IQCH: variants seen among roughly 807,000 people sequenced by gnomAD.
IQCH encodes the protein IQ motif containing H.
A neutral mutation model predicts 117.0 loss-of-function variants in IQCH; 98 were observed. The ratio of observed to expected loss-of-function variants is 0.84; its 90% CI spans 0.71 to 0.99. The LOEUF (loss-of-function observed/expected upper bound fraction) is 0.99, where lower values mean the gene tolerates loss of function less well. Among genes scored for constraint, IQCH ranks in the 50% least tolerant of loss-of-function variants. The pLI is 0.00. For synonymous variants in IQCH, 412 were observed against 448.2 expected, an observed-to-expected ratio of 0.92 and a Z score of 1.02; for missense variants, 1,102 against 1,243.8, an observed-to-expected ratio of 0.89 and a Z score of 1.72.
Position 67,336,969 on chromosome 15 carries a change from A to G in IQCH, c.388-6A>G. On this transcript the variant is annotated splice_polypyrimidine_tract_variant and splice_region_variant and intron_variant, in intron 4 of 20. Coordinates refer to ENST00000335894, the MANE Select transcript of IQCH (RefSeq NM_001031715.3). ...TGTTTGCTGAAACAAATTTTTTATT[A>G]TCTAGATAAAGGTTTCGAAGTTAAT... The G allele has an allele frequency of 6.2e-7, 1 of 1,612,264 alleles. No individual in the cohort carries two copies. Among genetic ancestry groups the G allele is most frequent in the Non-Finnish European group, 8.5e-7 (1 of 1,179,290 alleles).
At chr15:67,304,369 C>T (rs867245884) in intron 4 of IQCH, 1 of 1,531,412 alleles carries the variant, frequency 6.5e-7, no homozygotes, top group Non-Finnish European at 8.7e-7. Context: ...AAAAATCTTG[C>T]AGGATCCTGA....
intron 18 of IQCH, among the ~76,000 whole-genome samples, chr15:67,483,081 A>G (rs2083380779): frequency 6.6e-6 from 1 of 152,174 alleles, no homozygotes; most frequent in Admixed American, 6.6e-5. Flanking sequence ...GAAAGTTATA[A>G]ATGTCCTGCC....
rs1294798075 is a variant in IQCH, at chr15:67,390,859, A to G, written c.1632+1853A>G. 6.6e-6 allele frequency among the ~76,000 whole-genome samples: 1 copy of G among 152,190 alleles called. No homozygotes were observed. Among genetic ancestry groups the G allele is most frequent in the Non-Finnish European group, 1.5e-5 (1 of 68,034 alleles). On this transcript the variant is annotated intron_variant, in intron 12 of 20. Transcript: ENST00000335894. This position sits in a 1 kb window ranked among gnomAD's most constrained non-coding sequence, Gnocchi z 5.0. Reference sequence around the variant, plus strand: ...TAGCTCTTTTTACCTATCTCCGTTTATGGCTGAGGAAACCAAGACTCATTT... The same window carrying G: ...TAGCTCTTTTTACCTATCTCCGTTTGTGGCTGAGGAAACCAAGACTCATTT...
chr15:67,310,768 C>T (rs1967552049), intron 4 of IQCH, among the ~76,000 whole-genome samples: 1 of 152,104 alleles, frequency 6.6e-6, no homozygotes, highest in Non-Finnish European at 1.5e-5. Context: ...TTTACAACTG[C>T]AGATAAAAGT....
intron 14 of IQCH, among the ~76,000 whole-genome samples, chr15:67,415,927 G>A (rs1320103505): frequency 6.6e-6 from 1 of 152,104 alleles, no homozygotes; most frequent in Non-Finnish European, 1.5e-5. Flanking sequence ...GCCATGCATG[G>A]TGGTGTGTAC....
rs1971186608 is a variant in IQCH, at chr15:67,388,767, T to C, written c.1457-64T>C. On this transcript the variant is annotated intron_variant, in intron 11 of 20. Transcript: ENST00000335894. The surrounding 1 kb of genome is among the most constrained non-coding windows in gnomAD (Gnocchi z 5.5). ...TTTAAACTGCACAACACCAATCGGA[T>C]GCCAGAGTTCATAATGTCATTTACC... The C allele has an allele frequency of 2.2e-6, 3 of 1,353,600 alleles. No individual in the cohort carries two copies. Among genetic ancestry groups the C allele is most frequent in the Admixed American group, 1.8e-5 (1 of 56,678 alleles). The allele number at this position is 1,353,600 out of a possible 1,614,324, so 83.8% of individuals were successfully genotyped here.
intron 18 of IQCH, among the ~76,000 whole-genome samples, chr15:67,485,047 A>G (rs1181673396): frequency 1.3e-5 from 2 of 152,306 alleles, no homozygotes; most frequent in Admixed American, 6.5e-5. Flanking sequence ...AACATAATCT[A>G]TGAAAGCTAG....
Position 67,390,160 on chromosome 15 carries a change from G to A in IQCH, c.1632+1154G>A, listed in dbSNP as rs530797996. Among the ~76,000 whole-genome samples the A allele has an allele frequency of 2.7e-4, 41 of 152,226 alleles. No homozygotes were observed. The highest frequency in any genetic ancestry group is 1.3e-3 in the East Asian group (7 of 5,186). ...AAAGGACAAGTGACAAATCACTGCCGTTTATGTACATTCTTGGGAACCTTC... is the reference window on the plus strand; with the variant it reads ...AAAGGACAAGTGACAAATCACTGCCATTTATGTACATTCTTGGGAACCTTC... On this transcript the variant is annotated intron_variant, in intron 12 of 20. Transcript: ENST00000335894. The surrounding 1 kb of genome is among the most constrained non-coding windows in gnomAD (Gnocchi z 5.0).
chr15:67,345,360 T>C (rs1187395385), intron 6 of IQCH, among the ~76,000 whole-genome samples: 5 of 152,152 alleles, frequency 3.3e-5, no homozygotes, highest in Admixed American at 6.5e-5. Flanking sequence ...CCCTTCTCTT[T>C]GAATGTGAGT....
intron 12 of IQCH, among the ~76,000 whole-genome samples, chr15:67,392,400 C>T (rs1021932371): frequency 6.6e-6 from 1 of 152,138 alleles, no homozygotes; most frequent in Admixed American, 6.5e-5. Context: ...ATGGGAAAGA[C>T]AAACCTGCCA....
intron 4 of IQCH, among the ~76,000 whole-genome samples, chr15:67,287,760 ATTTCT>A (rs1399266253): frequency 6.6e-6 from 1 of 151,386 alleles, no homozygotes; most frequent in Admixed American, 6.6e-5. Context: ...GATCTTTATT[ATTTCT>A]TTTCTTCTGC....
intron 2 of IQCH, among the ~76,000 whole-genome samples, chr15:67,262,508 A>T (rs1965503628): frequency 6.6e-6 from 1 of 152,162 alleles, no homozygotes; most frequent in African/African-American, 2.4e-5. Flanking sequence ...ACCCAGCTGG[A>T]GTCTTTGGGT....
chr15:67,269,207 A>G (rs1192584308), intron 3 of IQCH, among the ~76,000 whole-genome samples: 2 of 152,184 alleles, frequency 1.3e-5, no homozygotes, highest in Non-Finnish European at 2.9e-5. Flanking sequence ...ATCAAACAAT[A>G]TATTACTATT....
At chr15:67,464,242 G>A (rs1258810518) in intron 16 of IQCH, among the ~76,000 whole-genome samples, 1 of 152,174 alleles carries the variant, frequency 6.6e-6, no homozygotes, top group African/African-American at 2.4e-5. Flanking sequence ...GGATGCTTCT[G>A]GATTCAGTGT....
At chr15:67,446,397 T>C (rs747915177) in intron 16 of IQCH, among the ~76,000 whole-genome samples, 5 of 152,150 alleles carry the variant, frequency 3.3e-5, no homozygotes, top group South Asian at 4.1e-4. Flanking sequence ...AAATAGTGCA[T>C]TGAATTTTAG....
intron 17 of IQCH, among the ~76,000 whole-genome samples, chr15:67,469,260 C>G (rs2083011778): frequency 6.6e-6 from 1 of 152,108 alleles, no homozygotes; most frequent in Non-Finnish European, 1.5e-5. Context: ...ATCTTCTCTT[C>G]TGGCCTCAGT....
chr15:67,489,248 TG>T (rs2083576593), intron 18 of IQCH, among the ~76,000 whole-genome samples: 1 of 151,958 alleles, frequency 6.6e-6, no homozygotes, highest in Non-Finnish European at 1.5e-5. Flanking sequence ...TTAGCCAGGA[TG>T]GTCTCGATCT....
chr15:67,383,686 A>G (rs1971017836), intron 10 of IQCH, among the ~76,000 whole-genome samples: 1 of 152,208 alleles, frequency 6.6e-6, no homozygotes, highest in Admixed American at 6.5e-5. Flanking sequence ...ACATAAAGAC[A>G]TTGGAGTTGT....
chr15:67,297,923 A>C lies in IQCH; in HGVS notation c.387+18411A>C, dbSNP rs1347983973. 2.6e-5 allele frequency among the ~76,000 whole-genome samples: 4 copies of C among 152,156 alleles called. No homozygotes were observed. In the East Asian group the frequency reaches 5.8e-4, roughly 22 times the overall value. On this transcript the variant is annotated intron_variant, in intron 4 of 20. Coordinates refer to ENST00000335894, the MANE Select transcript of IQCH (RefSeq NM_001031715.3). ...CCACAGAATGGGAGAAAATATTTGC[A>C]AACTACCCATCTGACAAGGGATTAA...
Sources: gnomAD v4.1 joint callset for allele counts (sites outside exome capture counted in the v4.1 genomes callset) on GRCh38, gnomAD v4.1.1 for gene constraint, Gnocchi (gnomAD v3.1) non-coding constraint, MANE v1.5 for transcripts, NCBI Gene and HGNC (gene_info 2026-07-23, HGNC 2026-07-21) for gene names.